Variants in CCDC178 observed in about 807,000 individuals in gnomAD.
The protein encoded by CCDC178 is coiled-coil domain containing 178.
A neutral mutation model predicts 117.4 loss-of-function variants in CCDC178; 126 were observed. The ratio of observed to expected loss-of-function variants is 1.07; its 90% CI spans 0.93 to 1.24. The LOEUF is 1.24. CCDC178 is among the 50% of genes most tolerant of loss of function. The pLI is 0.00. For synonymous variants in CCDC178, 283 were observed against 313.4 expected (o/e 0.90, Z 1.02); for missense variants, 1,030 against 986.9 (o/e 1.04, Z -0.59).
rs111535845 is a variant in CCDC178 at position 33,051,182 on chromosome 18, G to A, written c.2388+41579C>T. On this transcript the variant is annotated intron_variant, in intron 21 of 22. Transcript: ENST00000383096. Reference sequence around the variant, plus strand: ...CCTGCCTCGGCTCCCAAAGTTCTGGGATTACATGCATAAGCCACTGCACCC... The same window carrying A: ...CCTGCCTCGGCTCCCAAAGTTCTGGAATTACATGCATAAGCCACTGCACCC... Among the ~76,000 whole-genome samples, 1,245 of 152,172 alleles carry A rather than the reference G, an allele frequency of 8.2e-3. 14 individuals are homozygous for A. Among genetic ancestry groups the A allele is most frequent in the African/African-American group, 0.028 (1,164 of 41,526 alleles).
At chr18:33,204,159 A>G (rs1488394459) in intron 20 of CCDC178, among the ~76,000 whole-genome samples, 1 of 152,194 alleles carries the variant, frequency 6.6e-6, no homozygotes, top group African/African-American at 2.4e-5. Context: ...TGCAATGTAA[A>G]TAATAGTGAA....
intron 22 of CCDC178, among the ~76,000 whole-genome samples, chr18:32,950,395 G>A (rs1356863524): frequency 1.3e-5 from 2 of 152,098 alleles, no homozygotes; most frequent in Non-Finnish European, 2.9e-5. Context: ...TTTCTTTGTG[G>A]GATCACTCAT....
chr18:33,232,457 G>A (rs2059378614), intron 15 of CCDC178, among the ~76,000 whole-genome samples: 1 of 152,202 alleles, frequency 6.6e-6, no homozygotes, highest in Non-Finnish European at 1.5e-5. Context: ...TTGAGATCAG[G>A]AAAGGAAGAT....
At chr18:33,147,576 C>T (rs192685513) in intron 20 of CCDC178, among the ~76,000 whole-genome samples, 36 of 151,490 alleles carry the variant, frequency 2.4e-4, no homozygotes, top group South Asian at 1.9e-3. Flanking sequence ...TGACTCCTAA[C>T]GAGCATGCTG....
At chr18:33,032,701 C>T (rs545373487) in intron 21 of CCDC178, among the ~76,000 whole-genome samples, 67 of 151,782 alleles carry the variant, frequency 4.4e-4, no homozygotes, top group African/African-American at 1.2e-3. Context: ...AAGAGCTGGA[C>T]GAAAAAAGCA....
chr18:33,020,811 C>T (rs1260990057), intron 21 of CCDC178, among the ~76,000 whole-genome samples: 1 of 151,842 alleles, frequency 6.6e-6, no homozygotes, highest in East Asian at 1.9e-4. Flanking sequence ...AGTTAATTCA[C>T]GTAAGTGAAT....
chr18:33,087,082 G>A (rs1295354076), intron 21 of CCDC178, among the ~76,000 whole-genome samples: 3 of 147,346 alleles, frequency 2.0e-5, no homozygotes, highest in Non-Finnish European at 4.5e-5. Flanking sequence ...AAATATTTTT[G>A]ATATACTAGA....
At chr18:33,398,896 G>C (rs1424923270) in intron 3 of CCDC178, among the ~76,000 whole-genome samples, 3 of 152,062 alleles carry the variant, frequency 2.0e-5, no homozygotes, top group Non-Finnish European at 4.4e-5. Context: ...TCTAAATATT[G>C]TTTATGTCTA....
intron 14 of CCDC178, among the ~76,000 whole-genome samples, chr18:33,253,175 C>A (rs1240805190): frequency 1.3e-5 from 2 of 151,774 alleles, no homozygotes. Context: ...ATCATATCAT[C>A]ATCGTTGTCA....
At chr18:33,087,566 TTGTGTGTG>T (rs57033642) in intron 21 of CCDC178, among the ~76,000 whole-genome samples, 118 of 146,130 alleles carry the variant, frequency 8.1e-4, no homozygotes, top group African/African-American at 2.7e-3. Flanking sequence ...CCAAAGCCAT[TTGTGTGTG>T]TGTGTGTGTG....
chr18:33,020,428 T>A (rs986825504), intron 21 of CCDC178, among the ~76,000 whole-genome samples: 1 of 152,196 alleles, frequency 6.6e-6, no homozygotes, highest in Non-Finnish European at 1.5e-5. Flanking sequence ...ATAATTGAGA[T>A]TTATACATCA....
At chr18:32,966,273 G>T (rs1384879544) in intron 22 of CCDC178, among the ~76,000 whole-genome samples, 3 of 151,550 alleles carry the variant, frequency 2.0e-5, no homozygotes, top group African/African-American at 4.8e-5. Context: ...GGCTTTTCTT[G>T]GATTCTTTGT....
At chr18:33,392,494 G>A (rs1422862282) in intron 4 of CCDC178, among the ~76,000 whole-genome samples, 1 of 152,110 alleles carries the variant, frequency 6.6e-6, no homozygotes, top group Non-Finnish European at 1.5e-5. Flanking sequence ...CAGTGATTTG[G>A]GGGGTTTGCA....
intron 21 of CCDC178, among the ~76,000 whole-genome samples, chr18:32,980,265 C>A (rs1208815290): frequency 6.6e-6 from 1 of 152,028 alleles, no homozygotes; most frequent in African/African-American, 2.4e-5. Flanking sequence ...AATAATACAG[C>A]AGACAAGGAT....
intron 15 of CCDC178, among the ~76,000 whole-genome samples, chr18:33,234,065 T>G (rs939623361): frequency 1.3e-5 from 2 of 152,142 alleles, no homozygotes; most frequent in African/African-American, 4.8e-5. Flanking sequence ...AAATAAAGTT[T>G]TATTATATTC....
At chr18:33,340,059 G>C (rs1462440480) in intron 9 of CCDC178, among the ~76,000 whole-genome samples, 1 of 152,088 alleles carries the variant, frequency 6.6e-6, no homozygotes, top group Admixed American at 6.5e-5. Flanking sequence ...GGAAAGTTTG[G>C]AACCCCCTAG....
chr18:33,095,218 C>T (rs271478), intron 20 of CCDC178, among the ~76,000 whole-genome samples: 21,654 of 151,668 alleles, frequency 0.14, 2,398 homozygotes, highest in African/African-American at 0.31. Context: ...TTCTCAAAGA[C>T]AGATTTATTG....
At chr18:33,103,545 C>T (rs1009924749) in intron 20 of CCDC178, among the ~76,000 whole-genome samples, 1 of 150,708 alleles carries the variant, frequency 6.6e-6, no homozygotes, top group Admixed American at 6.6e-5. Context: ...GGTGACACAG[C>T]CAATCAACAG....
chr18:33,381,283 TCCA>T (rs2063436090), intron 5 of CCDC178, among the ~76,000 whole-genome samples: 1 of 152,158 alleles, frequency 6.6e-6, no homozygotes, highest in Non-Finnish European at 1.5e-5. Flanking sequence ...AGGGCCCCAC[TCCA>T]CCACAATAGC....
Sources: gnomAD v4.1 joint callset for allele counts (sites outside exome capture counted in the v4.1 genomes callset) on GRCh38, gnomAD v4.1.1 for gene constraint, MANE v1.5 for transcripts, NCBI Gene and HGNC (gene_info 2026-07-23, HGNC 2026-07-21) for gene names.